Variants in MAML3 observed in about 807,000 individuals in gnomAD.
MAML3 encodes mastermind-like protein 3.
MAML3 carries 27 observed loss-of-function variants against 101.9 expected under a neutral mutation model. The ratio of observed to expected loss-of-function variants is 0.27; its 90% CI spans 0.20 to 0.37. The LOEUF (loss-of-function observed/expected upper bound fraction) is 0.37. MAML3 is among the 10% of genes least tolerant of loss of function. MAML3 has a pLI of 1.00. For synonymous variants in MAML3, 501 were observed against 555.9 expected, an observed-to-expected ratio of 0.90 and a Z score of 1.39; for missense variants, 1,316 against 1,444.9, an observed-to-expected ratio of 0.91 and a Z score of 1.45.
chr4:139,955,224 C>T (rs1733896181), intron 1 of MAML3, among the ~76,000 whole-genome samples: 1 of 152,056 alleles, frequency 6.6e-6, no homozygotes, highest in Non-Finnish European at 1.5e-5. Flanking sequence ...GATGCTTATT[C>T]CCTGGGAAAT....
chr4:139,974,317 G>C (rs1385315216), intron 1 of MAML3, among the ~76,000 whole-genome samples: 3 of 152,068 alleles, frequency 2.0e-5, no homozygotes, highest in Non-Finnish European at 4.4e-5. Flanking sequence ...GTGTTAGCCA[G>C]GATGGTCTCG....
intron 1 of MAML3, among the ~76,000 whole-genome samples, chr4:139,946,921 ACACACTCTCTCTCTCT>A (rs1322762535): frequency 1.9e-4 from 13 of 68,822 alleles, no homozygotes; most frequent in African/African-American, 5.6e-4. Flanking sequence ...ACACACACAC[ACACACTCTCTCTCTCT>A]CTCTCTCTCT....
At chr4:139,753,144 C>T (rs984115660) in intron 2 of MAML3, among the ~76,000 whole-genome samples, 1 of 152,134 alleles carries the variant, frequency 6.6e-6, no homozygotes, top group Non-Finnish European at 1.5e-5. Flanking sequence ...CCTTCTTTCC[C>T]TTTTCATTGG....
At chr4:139,819,048 G>A (rs1420876909) in intron 2 of MAML3, among the ~76,000 whole-genome samples, 2 of 152,126 alleles carry the variant, frequency 1.3e-5, no homozygotes, top group African/African-American at 4.8e-5. Context: ...CGATAGGGGA[G>A]AGAAACAAAC....
chr4:140,085,599 A>G (rs1187272784), intron 1 of MAML3, among the ~76,000 whole-genome samples: 2 of 152,216 alleles, frequency 1.3e-5, no homozygotes, highest in African/African-American at 4.8e-5. Flanking sequence ...TAGAAGGGTC[A>G]GGGCAGCTGT....
In MAML3 at chr4:139,846,506, C is replaced by G. The variant is rs559789009; in HGVS notation, c.2079+42851G>C. Among the ~76,000 whole-genome samples, 124 of 152,232 alleles carry G rather than the reference C, an allele frequency of 8.1e-4. 1 individual carries two copies. Among genetic ancestry groups the G allele is most frequent in the African/African-American group, 2.7e-3 (112 of 41,556 alleles). On this transcript the variant is annotated intron_variant, in intron 2 of 4. Transcript: ENST00000509479. ...GGGACTATAGGCGTGCACCACCACA[C>G]CAGGATAAGTTTTGTATTTTTTGCA... is the stretch of plus-strand genomic sequence containing the variant.
chr4:140,093,417 T>G (rs1373779279), intron 1 of MAML3, among the ~76,000 whole-genome samples: 2 of 76,470 alleles, frequency 2.6e-5, no homozygotes, highest in Admixed American at 1.4e-4. Context: ...TGTTTGTTTG[T>G]TTTTTTTTTT....
intron 1 of MAML3, among the ~76,000 whole-genome samples, chr4:140,090,654 A>G (rs1188294817): frequency 6.6e-6 from 1 of 152,242 alleles, no homozygotes; most frequent in Admixed American, 6.5e-5. Context: ...ACAAAGCTAA[A>G]GCTGCCTAGA....
chr4:140,094,961 G>A (rs887964719), intron 1 of MAML3, among the ~76,000 whole-genome samples: 3 of 152,204 alleles, frequency 2.0e-5, no homozygotes, highest in Admixed American at 6.5e-5. Flanking sequence ...AGGTCTGGAC[G>A]CTTGCCACTG....
At chr4:140,118,441 A>C (rs1728550677) in intron 1 of MAML3, among the ~76,000 whole-genome samples, 1 of 152,192 alleles carries the variant, frequency 6.6e-6, no homozygotes, top group Non-Finnish European at 1.5e-5. Flanking sequence ...AGCTAATAAT[A>C]ATAATAAACA....
chr4:140,003,479 A>G (rs1454636611), intron 1 of MAML3, among the ~76,000 whole-genome samples: 1 of 152,176 alleles, frequency 6.6e-6, no homozygotes, highest in Non-Finnish European at 1.5e-5. Context: ...GAATCCTGGC[A>G]TGTCAGGGGC....
intron 1 of MAML3, among the ~76,000 whole-genome samples, chr4:139,907,154 A>G (rs888784508): frequency 2.6e-5 from 4 of 152,250 alleles, no homozygotes; most frequent in Non-Finnish European, 5.9e-5. Context: ...AATGTCAGGA[A>G]CTTGAAAAGC....
intron 2 of MAML3, among the ~76,000 whole-genome samples, chr4:139,779,993 C>T (rs920227889): frequency 6.6e-6 from 1 of 152,254 alleles, no homozygotes; most frequent in Non-Finnish European, 1.5e-5. Flanking sequence ...TCTGTTCCCT[C>T]GCCCCTAGGC....
intron 1 of MAML3, among the ~76,000 whole-genome samples, chr4:139,964,766 C>T (rs1160720890): frequency 6.6e-6 from 1 of 151,692 alleles, no homozygotes; most frequent in East Asian, 1.9e-4. Context: ...TGTACTTCTA[C>T]TTATTTTAGA....
At chr4:140,052,340 C>T (rs1166703379) in intron 1 of MAML3, among the ~76,000 whole-genome samples, 1 of 152,092 alleles carries the variant, frequency 6.6e-6, no homozygotes, top group Non-Finnish European at 1.5e-5. Flanking sequence ...AATAGCACAA[C>T]AGTGACATTT....
chr4:140,071,094 C>T (rs907015439), intron 1 of MAML3, among the ~76,000 whole-genome samples: 1 of 152,218 alleles, frequency 6.6e-6, no homozygotes, highest in Non-Finnish European at 1.5e-5. Context: ...CTTCTGAAGC[C>T]TCCTTTGTCT....
At chr4:139,834,154 C>T (rs1003909724) in intron 2 of MAML3, among the ~76,000 whole-genome samples, 2 of 152,204 alleles carry the variant, frequency 1.3e-5, no homozygotes, top group African/African-American at 4.8e-5. Flanking sequence ...TTCAATCCAG[C>T]GTGGGTTTTA....
intron 2 of MAML3, among the ~76,000 whole-genome samples, chr4:139,759,799 C>T (rs1448458588): frequency 6.6e-6 from 1 of 152,142 alleles, no homozygotes; most frequent in Non-Finnish European, 1.5e-5. Flanking sequence ...TAATGGAATA[C>T]TGGAATGAAC....
intron 1 of MAML3, among the ~76,000 whole-genome samples, chr4:140,013,214 A>G (rs1510720): frequency 0.92 from 139,894 of 152,186 alleles, 65,343 homozygotes; most frequent in East Asian, 1. Context: ...TGATTAGCTC[A>G]TCAGGGGCAC....
Sources: allele counts gnomAD v4.1 joint callset (sites outside exome capture counted in the v4.1 genomes callset), GRCh38; gene constraint gnomAD v4.1.1; transcripts MANE v1.5; gene names NCBI Gene and HGNC (gene_info 2026-07-23, HGNC 2026-07-21).